C1QTNF7: variants seen among roughly 807,000 people sequenced by gnomAD.
C1QTNF7 encodes the protein complement C1q tumor necrosis factor-related protein 7.
C1QTNF7 carries 15 observed loss-of-function variants against 19.6 expected under a neutral mutation model. The observed-to-expected ratio is 0.76, with a 90% confidence interval of 0.51 to 1.18. The LOEUF is 1.18. Ranked by LOEUF, C1QTNF7 falls within the 50% of genes most tolerant of loss-of-function variation. C1QTNF7 has a pLI of 0.00. For missense variants in C1QTNF7, 324 were observed against 359.7 expected (o/e 0.90, Z 0.80); for synonymous variants, 142 against 137.5 (o/e 1.03, Z -0.23).
chr4:15,371,904 C>G (rs1344011604), intron 1 of C1QTNF7, among the ~76,000 whole-genome samples: 1 of 152,012 alleles, frequency 6.6e-6, no homozygotes, highest in East Asian at 1.9e-4. Flanking sequence ...TGTCTTGCCT[C>G]CAGGCAACTC....
chr4:15,424,767 A>G (rs202207295), upstream of C1QTNF7, among the ~76,000 whole-genome samples: 4 of 152,300 alleles, frequency 2.6e-5, no homozygotes, highest in East Asian at 7.7e-4. Flanking sequence ...TGGACTGAAA[A>G]TGGCTGATGG....
chr4:15,345,396 G>T (rs1254403345), intron 1 of C1QTNF7, among the ~76,000 whole-genome samples: 4 of 152,218 alleles, frequency 2.6e-5, no homozygotes, highest in African/African-American at 9.7e-5. Context: ...CTGAGGTCTA[G>T]CCAGGCAGGG....
chr4:15,436,921 G>T (rs777090200), intron 2 of C1QTNF7, among the ~76,000 whole-genome samples: 2 of 152,122 alleles, frequency 1.3e-5, no homozygotes, highest in African/African-American at 4.8e-5. Context: ...CAGATTATTG[G>T]ATAATAATTC....
intron 1 of C1QTNF7, among the ~76,000 whole-genome samples, chr4:15,398,057 T>C (rs1718855518): frequency 6.6e-6 from 1 of 152,198 alleles, no homozygotes; most frequent in Admixed American, 6.5e-5. Context: ...TTCCCAACTT[T>C]ACTACCATTA....
intron 1 of C1QTNF7, among the ~76,000 whole-genome samples, chr4:15,386,313 G>T (rs1400484744): frequency 6.6e-6 from 1 of 152,160 alleles, no homozygotes; most frequent in Non-Finnish European, 1.5e-5. Context: ...GATACAAGAG[G>T]TCATGGGTCC....
intron 1 of C1QTNF7, among the ~76,000 whole-genome samples, chr4:15,359,834 C>T (rs1379910944): frequency 6.6e-6 from 1 of 152,180 alleles, no homozygotes; most frequent in Non-Finnish European, 1.5e-5. Flanking sequence ...GCTCCTTTCC[C>T]TTCTGAAGCA....
intron 1 of C1QTNF7, among the ~76,000 whole-genome samples, chr4:15,388,149 A>G (rs1299114467): frequency 1.3e-5 from 2 of 152,252 alleles, no homozygotes; most frequent in African/African-American, 2.4e-5. Context: ...AAATAAAGCC[A>G]TTCATTGAAA....
In C1QTNF7 at chr4:15,445,620, TA is replaced by T. The variant is rs1712964232; in HGVS notation, c.*2824del. The T allele has an allele frequency of 6.6e-6, 1 of 152,204 alleles. No individual in the cohort carries two copies. Among genetic ancestry groups the T allele is most frequent in the Non-Finnish European group, 1.5e-5 (1 of 68,036 alleles). The allele number at this position is 152,204 out of a possible 1,614,324, so 9.4% of individuals were successfully genotyped here. A position where few individuals can be genotyped will look rare whatever the true frequency, so the allele number is the denominator to read the frequency against. ...GAGAAAAGAGGAGCTGTTTTGGTATTAAACGAATAAAATCTTAAGCAAATAT... is the reference window on the plus strand; with the variant it reads ...GAGAAAAGAGGAGCTGTTTTGGTATTAACGAATAAAATCTTAAGCAAATAT... On this transcript the variant is annotated 3_prime_UTR_variant, in exon 3 of 3. Transcript: ENST00000444304.
Position 15,374,641 on chromosome 4 carries a change from T to C in C1QTNF7, c.13+34434T>C, listed in dbSNP as rs144948201. ...TGAAAGCGAATCAGGAAATTACTTA[T>C]CAATCTGAAGCCCCAAAGAATTATG... On this transcript the variant is annotated intron_variant, in intron 1 of 2. Transcript: ENST00000295297. The C allele has an allele frequency of 3.4e-4, 335 of 985,296 alleles. 2 individuals are homozygous for C. The African/African-American group carries it at 5.5e-3, about 16-fold the overall frequency. The allele number at this position is 985,296 out of a possible 1,614,324, so 61.0% of individuals were successfully genotyped here.
chr4:15,350,963 T>G (rs1451288666), intron 1 of C1QTNF7, among the ~76,000 whole-genome samples: 1 of 152,228 alleles, frequency 6.6e-6, no homozygotes, highest in Admixed American at 6.5e-5. Flanking sequence ...GACTCTGAAG[T>G]CCCTATCAAC....
At chr4:15,371,452 T>G (rs905560532) in intron 1 of C1QTNF7, among the ~76,000 whole-genome samples, 4 of 152,224 alleles carry the variant, frequency 2.6e-5, no homozygotes, top group African/African-American at 9.7e-5. Context: ...TAGCTTTTCA[T>G]GTTAGTGTCC....
At chr4:15,417,791 A>G (rs1252768033) in intron 1 of C1QTNF7, among the ~76,000 whole-genome samples, 1 of 152,200 alleles carries the variant, frequency 6.6e-6, no homozygotes, top group Non-Finnish European at 1.5e-5. Flanking sequence ...TATAAAAAGC[A>G]TGGTGCTGGC....
At chr4:15,428,186 T>A in intron 1 of C1QTNF7, 80 bp downstream of exon 1, 1 of 546,498 alleles carries the variant, frequency 1.8e-6, no homozygotes, top group Non-Finnish European at 2.3e-6. Flanking sequence ...GCTTTTTAGC[T>A]TATTAAACAG....
chr4:15,395,928 A>G (rs1718765388), intron 1 of C1QTNF7, among the ~76,000 whole-genome samples: 1 of 152,166 alleles, frequency 6.6e-6, no homozygotes, highest in African/African-American at 2.4e-5. Context: ...CACTGTTTTA[A>G]CTTTAAAGTC....
At chr4:15,363,490 C>T (rs1717412834) in intron 1 of C1QTNF7, among the ~76,000 whole-genome samples, 1 of 152,136 alleles carries the variant, frequency 6.6e-6, no homozygotes, top group Non-Finnish European at 1.5e-5. Context: ...GCAAACTACA[C>T]AGAACAAAAT....
chr4:15,365,552 G>C (rs969415226), intron 1 of C1QTNF7, among the ~76,000 whole-genome samples: 1 of 152,142 alleles, frequency 6.6e-6, no homozygotes, highest in African/African-American at 2.4e-5. Context: ...AACTCTTTTG[G>C]TTGCACATGA....
chr4:15,360,784 T>C (rs1291902998), intron 1 of C1QTNF7, among the ~76,000 whole-genome samples: 1 of 152,144 alleles, frequency 6.6e-6, no homozygotes, highest in Non-Finnish European at 1.5e-5. Context: ...GGCTTGCAAA[T>C]AAATTTTAGC....
chr4:15,401,520 G>A (rs1718996988), intron 1 of C1QTNF7, among the ~76,000 whole-genome samples: 2 of 152,288 alleles, frequency 1.3e-5, no homozygotes, highest in South Asian at 2.1e-4. Flanking sequence ...CCAGGCAAAG[G>A]TCCCAGCATG....
At chr4:15,366,841 C>G (rs1189408037) in intron 1 of C1QTNF7, among the ~76,000 whole-genome samples, 1 of 152,150 alleles carries the variant, frequency 6.6e-6, no homozygotes, top group African/African-American at 2.4e-5. Context: ...ACAGGAAGTG[C>G]ATGTGTGACT....
Sources: gnomAD v4.1 joint callset for allele counts (sites outside exome capture counted in the v4.1 genomes callset) on GRCh38, gnomAD v4.1.1 for gene constraint, MANE v1.5 for transcripts, NCBI Gene and HGNC (gene_info 2026-07-23, HGNC 2026-07-21) for gene names.